The following FER1L6 variants were observed in gnomAD, a reference collection of about 807,000 sequenced individuals.
The protein encoded by FER1L6 is fer-1 like family member 6.
A neutral mutation model predicts 219.2 loss-of-function variants in FER1L6; 177 were observed. The observed-to-expected ratio is 0.81, with a 90% CI of 0.71 to 0.91. The LOEUF is 0.91. Ranked by LOEUF, FER1L6 falls within the 40% of genes least tolerant of loss-of-function variation. The probability of loss-of-function intolerance (pLI) is 0.00; values close to 1 mark genes in which losing one functional copy is unlikely to be tolerated. For synonymous variants in FER1L6, 768 were observed against 824.3 expected (o/e 0.93, Z 1.17); for missense variants, 2,153 against 2,259.9 (o/e 0.95, Z 0.96).
rs776616131 is a variant in FER1L6, at chr8:124,064,481, G to T, written c.3463G>T (p.Ala1155Ser). Residue 1155 changes from alanine (A) to serine (S), a missense_variant, in exon 26 of 41, where the codon GCC becomes TCC. By Grantham distance (99) the Ala-to-Ser change is moderately conservative. Coordinates refer to ENST00000522917, the MANE Select transcript of FER1L6 (RefSeq NM_001039112.2). ...VVPDSAQAQP[A>S]ILVDVPDSSP... is the part of the protein sequence containing the mutation. ...GCCCGACTCTGCCCAGGCCCAGCCGGCCATCCTGGTTGACGTCCCTGACTC... is the reference window on the plus strand; with the variant it reads ...GCCCGACTCTGCCCAGGCCCAGCCGTCCATCCTGGTTGACGTCCCTGACTC... 2 of 1,614,014 alleles carry T rather than the reference G, an allele frequency of 1.2e-6. No homozygotes were observed. The highest frequency in any genetic ancestry group is 4.5e-5 in the East Asian group (2 of 44,874).
At chr8:123,982,186 A>G (rs1816354112) in intron 11 of FER1L6, among the ~76,000 whole-genome samples, 1 of 152,172 alleles carries the variant, frequency 6.6e-6, no homozygotes, top group African/African-American at 2.4e-5. Flanking sequence ...GAATTTCACC[A>G]GAAGTTGTGG....
chr8:124,054,480 A>G (rs1225535923), intron 22 of FER1L6, among the ~76,000 whole-genome samples: 1 of 152,220 alleles, frequency 6.6e-6, no homozygotes, highest in Non-Finnish European at 1.5e-5. Context: ...GTATTAGACC[A>G]CAAAACATTT....
At chr8:124,051,308 A>T (rs1381061774) in intron 22 of FER1L6, among the ~76,000 whole-genome samples, 2 of 152,146 alleles carry the variant, frequency 1.3e-5, no homozygotes, top group Non-Finnish European at 2.9e-5. Flanking sequence ...GCAACCTAAG[A>T]CAGAGGTGTT....
chr8:124,062,325 C>T (rs1820622443), intron 25 of FER1L6, among the ~76,000 whole-genome samples: 1 of 152,140 alleles, frequency 6.6e-6, no homozygotes, highest in Non-Finnish European at 1.5e-5. Flanking sequence ...TTAGTTTGTT[C>T]AATTTTGGAT....
chr8:123,886,898 C>A (rs368497272), intron 1 of FER1L6, among the ~76,000 whole-genome samples: 1 of 152,072 alleles, frequency 6.6e-6, no homozygotes, highest in Non-Finnish European at 1.5e-5. Context: ...ATGCAAATAT[C>A]GAAACTGACC....
chr8:123,900,690 T>C (rs768755835), intron 1 of FER1L6, among the ~76,000 whole-genome samples: 5 of 152,234 alleles, frequency 3.3e-5, no homozygotes, highest in Non-Finnish European at 7.3e-5. Context: ...ATGCCGATTT[T>C]GCTGAGAGTT....
chr8:123,944,170 A>T (rs1385223629), intron 1 of FER1L6, among the ~76,000 whole-genome samples: 1 of 152,058 alleles, frequency 6.6e-6, no homozygotes, highest in African/African-American at 2.4e-5. Context: ...TGCATGGCTC[A>T]TTCTACATGC....
At chr8:123,970,237 G>T in intron 6 of FER1L6, 140 bp downstream of exon 6, 1 of 763,016 alleles carries the variant, frequency 1.3e-6, no homozygotes, top group Non-Finnish European at 2.3e-6. Context: ...TAACCAACAG[G>T]CAGAACTTGA....
At chr8:123,870,763 A>T (rs1164052405) in intron 1 of FER1L6, among the ~76,000 whole-genome samples, 1 of 152,206 alleles carries the variant, frequency 6.6e-6, no homozygotes, top group African/African-American at 2.4e-5. Flanking sequence ...AAACCCATAG[A>T]ACCTTACAGC....
At chr8:124,083,490 T>C (rs1821661313) in intron 33 of FER1L6, among the ~76,000 whole-genome samples, 1 of 152,156 alleles carries the variant, frequency 6.6e-6, no homozygotes. Context: ...CTGTCCTTTC[T>C]CTGATATATC....
intron 28 of FER1L6, among the ~76,000 whole-genome samples, chr8:124,069,129 G>C (rs540618683): frequency 9.2e-5 from 14 of 151,894 alleles, no homozygotes; most frequent in Non-Finnish European, 1.9e-4. Context: ...ATAGAGACGG[G>C]GTTTCACCGT....
At chr8:123,958,418 C>G (rs570458732) in intron 2 of FER1L6, among the ~76,000 whole-genome samples, 1 of 152,244 alleles carries the variant, frequency 6.6e-6, no homozygotes, top group South Asian at 2.1e-4. Flanking sequence ...CCAGGTGACC[C>G]TGTCCCTCAC....
intron 33 of FER1L6, among the ~76,000 whole-genome samples, chr8:124,082,978 T>A (rs916014610): frequency 7.4e-6 from 1 of 135,300 alleles, no homozygotes; most frequent in Non-Finnish European, 1.6e-5. Flanking sequence ...CATGGGTACA[T>A]AAATGTGTAT....
At chr8:123,940,338 G>A (rs1814185836) in intron 1 of FER1L6, among the ~76,000 whole-genome samples, 1 of 152,086 alleles carries the variant, frequency 6.6e-6, no homozygotes, top group South Asian at 2.1e-4. Context: ...ACGAGGGCTA[G>A]GGGAAGAGTT....
intron 12 of FER1L6, among the ~76,000 whole-genome samples, chr8:123,998,059 T>G (rs1586570539): frequency 6.6e-6 from 1 of 152,330 alleles, no homozygotes; most frequent in South Asian, 2.1e-4. Flanking sequence ...ATGGTCTTGA[T>G]GCTTGTGGAT....
intron 2 of FER1L6, among the ~76,000 whole-genome samples, chr8:123,957,092 T>C (rs564353710): frequency 2.0e-5 from 3 of 152,252 alleles, no homozygotes; most frequent in East Asian, 1.9e-4. Context: ...GTACCGTGGG[T>C]CTCGTTAATC....
At chr8:124,039,273 A>G (rs368618649) in intron 19 of FER1L6, among the ~76,000 whole-genome samples, 6 of 152,340 alleles carry the variant, frequency 3.9e-5, no homozygotes, top group Admixed American at 1.3e-4. Context: ...GACTGTACAC[A>G]GTAGGTGCTC....
In FER1L6 at chr8:124,023,596, A is replaced by C. The variant is rs1335323941; in HGVS notation, c.2286A>C (p.Lys762Asn). ...GCAAGATCAAAACTCACTTCCTCAA[A>C]GTAAGTGTGCAGTATTTTAACTAAA... ...HCGKIKTHFL[K>N]PPGKRPAGWS... The change falls in exon 18 of 41, where the codon AAA becomes AAC. Residue 762 changes from lysine to asparagine, a missense_variant and splice_region_variant. Lys to Asn is a moderately conservative substitution (Grantham distance 94, BLOSUM62 0). Transcript: ENST00000522917. 1.9e-6 allele frequency: 3 copies of C among 1,614,004 alleles called. No individual in the cohort carries two copies. In the South Asian group the frequency reaches 3.3e-5, roughly 18 times the overall value.
At chr8:124,065,682 AGAGAT>A (rs1220634549) in intron 26 of FER1L6, among the ~76,000 whole-genome samples, 1 of 152,196 alleles carries the variant, frequency 6.6e-6, no homozygotes, top group Admixed American at 6.5e-5. Flanking sequence ...TCAGCAGAGA[AGAGAT>A]AATTTTTCAA....
Sources: gnomAD v4.1 joint callset for allele counts (sites outside exome capture counted in the v4.1 genomes callset) on GRCh38, gnomAD v4.1.1 for gene constraint, MANE v1.5 for transcripts, NCBI Gene and HGNC (gene_info 2026-07-23, HGNC 2026-07-21) for gene names.